Variants in INPP4B observed in about 807,000 individuals in gnomAD.
INPP4B encodes inositol polyphosphate-4-phosphatase type II B, also known as inositol polyphosphate 4-phosphatase type II.
Under a neutral mutation model 122.5 loss-of-function variants are expected in INPP4B, and 55 were observed. The ratio of observed to expected loss-of-function variants is 0.45; its 90% confidence interval spans 0.36 to 0.56. The LOEUF (loss-of-function observed/expected upper bound fraction) is 0.56. INPP4B is among the 20% of genes least tolerant of loss of function. The pLI is 0.00. For synonymous variants in INPP4B, 403 were observed against 388.7 expected, an observed-to-expected ratio of 1.04 and a Z score of -0.43; for missense variants, 1,000 against 1,097.7, an observed-to-expected ratio of 0.91 and a Z score of 1.26.
chr4:142,098,359 CAACAAA>C (rs770298508), intron 23 of INPP4B, among the ~76,000 whole-genome samples: 30 of 151,128 alleles, frequency 2.0e-4, no homozygotes, highest in Non-Finnish European at 4.0e-4. Context: ...ACAACAACAA[CAACAAA>C]AAAAAAACTA....
intron 1 of INPP4B, among the ~76,000 whole-genome samples, chr4:142,802,682 G>C: frequency 6.6e-6 from 1 of 151,920 alleles, no homozygotes; most frequent in East Asian, 1.9e-4. Flanking sequence ...TACCTTGAAA[G>C]CACAGGCTAA....
intron 2 of INPP4B, among the ~76,000 whole-genome samples, chr4:142,486,281 A>G (rs1821184905): frequency 6.6e-6 from 1 of 152,248 alleles, no homozygotes; most frequent in South Asian, 2.1e-4. Flanking sequence ...TTTGTTCTAC[A>G]TTCTCACCAA....
rs929370087 is a variant in INPP4B, at chr4:142,716,075, G to T, written c.-191+9764C>A. Among the ~76,000 whole-genome samples the T allele has an allele frequency of 5.3e-5, 8 of 152,202 alleles. No homozygotes were observed. In the East Asian group the frequency reaches 1.4e-3, roughly 26 times the overall value. On this transcript the variant is annotated intron_variant, in intron 2 of 25. Coordinates refer to ENST00000262992, the MANE Select transcript of INPP4B (RefSeq NM_001101669.3). ...ATGTCAACTTTATGACCTACATTTGGAGATCACATAGCATTACTTCTCCAG... is the reference window on the plus strand; with the variant it reads ...ATGTCAACTTTATGACCTACATTTGTAGATCACATAGCATTACTTCTCCAG...
intron 15 of INPP4B, among the ~76,000 whole-genome samples, chr4:142,180,331 A>T (rs1830215743): frequency 6.6e-6 from 1 of 152,200 alleles, no homozygotes; most frequent in Non-Finnish European, 1.5e-5. Flanking sequence ...ATACAAAAAA[A>T]ACAGAAGGTA....
At chr4:142,563,493 T>C (rs959668967) in intron 2 of INPP4B, among the ~76,000 whole-genome samples, 2 of 152,172 alleles carry the variant, frequency 1.3e-5, no homozygotes, top group African/African-American at 2.4e-5. Context: ...TATAAGGCAA[T>C]AGCAGTGATA....
chr4:142,553,634 C>T (rs1580353944), intron 2 of INPP4B, among the ~76,000 whole-genome samples: 1 of 152,282 alleles, frequency 6.6e-6, no homozygotes, highest in East Asian at 1.9e-4. Context: ...TAGGGTTCCC[C>T]AACAGGCATG....
chr4:142,180,515 T>A (rs780756542), intron 15 of INPP4B, among the ~76,000 whole-genome samples: 17 of 152,182 alleles, frequency 1.1e-4, no homozygotes, highest in African/African-American at 4.1e-4. Context: ...TAGCATTACG[T>A]TAAATGCTAG....
At chr4:142,121,546 T>C (rs1158127468) in intron 21 of INPP4B, among the ~76,000 whole-genome samples, 1 of 152,074 alleles carries the variant, frequency 6.6e-6, no homozygotes, top group Non-Finnish European at 1.5e-5. Flanking sequence ...ATTGGAGGTC[T>C]GTTCTACACA....
intron 2 of INPP4B, among the ~76,000 whole-genome samples, chr4:142,522,650 A>C (rs1223742943): frequency 6.6e-6 from 1 of 152,000 alleles, no homozygotes; most frequent in Admixed American, 6.6e-5. Context: ...CACCTGCTTA[A>C]TCATACAAGA....
At chr4:142,253,679 T>C (rs1733812392) in intron 11 of INPP4B, among the ~76,000 whole-genome samples, 1 of 152,090 alleles carries the variant, frequency 6.6e-6, no homozygotes, top group African/African-American at 2.4e-5. Flanking sequence ...GGAGATTATA[T>C]CCCGCACCTG....
chr4:142,466,557 T>G (rs372513057), intron 2 of INPP4B, among the ~76,000 whole-genome samples: 2 of 152,166 alleles, frequency 1.3e-5, no homozygotes, highest in East Asian at 3.9e-4. Context: ...TTTGAAAAAT[T>G]TGCAGCCTGA....
chr4:142,366,214 C>T (rs1787406299), intron 7 of INPP4B, among the ~76,000 whole-genome samples: 1 of 152,062 alleles, frequency 6.6e-6, no homozygotes, highest in Non-Finnish European at 1.5e-5. Flanking sequence ...AACATTGCTT[C>T]TAACTCCACC....
chr4:142,565,883 A>G (rs1271608470), intron 2 of INPP4B: 1 of 152,182 alleles, frequency 6.6e-6, no homozygotes, highest in East Asian at 1.9e-4. Context: ...CAAAAATGCA[A>G]AACTGAATTT....
intron 2 of INPP4B, among the ~76,000 whole-genome samples, chr4:142,488,486 T>C (rs1821459778): frequency 6.6e-6 from 1 of 152,124 alleles, no homozygotes; most frequent in African/African-American, 2.4e-5. Context: ...TCCTATAATT[T>C]ACCAGTGAAG....
At chr4:142,690,621 G>T (rs1760037431) in intron 2 of INPP4B, among the ~76,000 whole-genome samples, 1 of 152,192 alleles carries the variant, frequency 6.6e-6, no homozygotes, top group Non-Finnish European at 1.5e-5. Context: ...AGGCTCCCCT[G>T]CAGAGAACTG....
chr4:142,686,196 C>T (rs1759324582), intron 2 of INPP4B, among the ~76,000 whole-genome samples: 2 of 152,078 alleles, frequency 1.3e-5, no homozygotes, highest in South Asian at 4.1e-4. Flanking sequence ...GCAATACAGG[C>T]TGTTAGTCAA....
At chr4:142,566,398 G>T (rs1009583025) in intron 2 of INPP4B, among the ~76,000 whole-genome samples, 1 of 152,062 alleles carries the variant, frequency 6.6e-6, no homozygotes, top group African/African-American at 2.4e-5. Flanking sequence ...AGATGTAAAA[G>T]GAGGGGAAAA....
intron 2 of INPP4B, among the ~76,000 whole-genome samples, chr4:142,486,724 T>C (rs1326738881): frequency 6.6e-6 from 1 of 152,334 alleles, no homozygotes; most frequent in Non-Finnish European, 1.5e-5. Context: ...GTTTTCTTTT[T>C]TAAAGTTTTA....
intron 7 of INPP4B, 142 bp from the exon 8 acceptor site, chr4:142,314,904 C>T (rs1187713404): frequency 3.4e-5 from 23 of 672,760 alleles, no homozygotes; most frequent in East Asian, 5.7e-5. Flanking sequence ...CTGTGTGCAA[C>T]ACCTGCGGCA....
Sources: gnomAD v4.1 joint callset for allele counts (sites outside exome capture counted in the v4.1 genomes callset) on GRCh38, gnomAD v4.1.1 for gene constraint, MANE v1.5 for transcripts, NCBI Gene and HGNC (gene_info 2026-07-23, HGNC 2026-07-21) for gene names.